The following ARL15 variants were observed in gnomAD, a reference collection of about 807,000 sequenced individuals.
The protein encoded by ARL15 is ADP-ribosylation factor-like protein 15.
Under a neutral mutation model 25.2 loss-of-function variants are expected in ARL15, and 19 were observed. The observed-to-expected ratio is 0.75, with a 90% CI of 0.53 to 1.10. ARL15 has a LOEUF of 1.10. Among genes scored for constraint, ARL15 ranks in the 50% least tolerant of loss-of-function variants. ARL15 has a pLI of 0.00. For missense variants in ARL15, 220 were observed against 246.0 expected, an observed-to-expected ratio of 0.89 and a Z score of 0.71; for synonymous variants, 94 against 86.8, an observed-to-expected ratio of 1.08 and a Z score of -0.46.
chr5:54,118,516 A>T (rs1267636774), intron 3 of ARL15, among the ~76,000 whole-genome samples: 1 of 152,214 alleles, frequency 6.6e-6, no homozygotes, highest in Non-Finnish European at 1.5e-5. Flanking sequence ...GACATGGCAC[A>T]TATGGATACT....
At chr5:54,273,126 G>A (rs1020629129) in intron 1 of ARL15, among the ~76,000 whole-genome samples, 1 of 152,056 alleles carries the variant, frequency 6.6e-6, no homozygotes, top group Admixed American at 6.6e-5. Flanking sequence ...AACTTACATA[G>A]TCCCATATCT....
At position 54,052,157 on chromosome 5, in the gene ARL15, G is replaced by A. The variant is rs569989511; in HGVS notation, c.462+61045C>T. On this transcript the variant is annotated intron_variant, in intron 4 of 4. Transcript: ENST00000504924. Reference sequence around the variant, plus strand: ...AGAGACAAATATGTAAAACATAGGGGATTTTTTTTATGGAGGTGAAACTAT... The same window carrying A: ...AGAGACAAATATGTAAAACATAGGGAATTTTTTTTATGGAGGTGAAACTAT... Among the ~76,000 whole-genome samples, 21 of 152,190 alleles carry A rather than the reference G, an allele frequency of 1.4e-4. No homozygotes were observed. The South Asian group carries it at 4.1e-3, about 30-fold the overall frequency.
intron 1 of ARL15, among the ~76,000 whole-genome samples, chr5:54,217,936 G>GT (rs1373871801): frequency 2.2e-4 from 33 of 147,590 alleles, no homozygotes; most frequent in African/African-American, 8.0e-4. Context: ...TTTAAAAGGG[G>GT]GAAAAAAAAT....
At chr5:53,936,562 A>G (rs1427342403) in intron 4 of ARL15, among the ~76,000 whole-genome samples, 2 of 152,234 alleles carry the variant, frequency 1.3e-5, no homozygotes, top group African/African-American at 4.8e-5. Context: ...AAACTTTTGC[A>G]TCATTATCTG....
chr5:53,907,944 G>A (rs991191709), intron 4 of ARL15, among the ~76,000 whole-genome samples: 4 of 152,054 alleles, frequency 2.6e-5, no homozygotes, highest in African/African-American at 9.7e-5. Context: ...GCCACATAAA[G>A]CAGTCCTATT....
intron 1 of ARL15, among the ~76,000 whole-genome samples, chr5:54,221,872 A>T (rs1461116048): frequency 7.0e-6 from 1 of 142,078 alleles, no homozygotes; most frequent in Non-Finnish European, 1.6e-5. Flanking sequence ...CACACACACA[A>T]AACCCTCATG....
intron 4 of ARL15, among the ~76,000 whole-genome samples, chr5:53,889,810 GTTT>G (rs35947755): frequency 7.4e-6 from 1 of 135,880 alleles, no homozygotes. Flanking sequence ...AGTTCTGACT[GTTT>G]TTTTTTTTTT....
At chr5:53,970,134 T>G (rs1009550440) in intron 4 of ARL15, among the ~76,000 whole-genome samples, 2 of 152,080 alleles carry the variant, frequency 1.3e-5, no homozygotes, top group Non-Finnish European at 2.9e-5. Flanking sequence ...CAAATGTGGC[T>G]GCAAAAAAAT....
chr5:54,171,752 A>T (rs1181211805), intron 2 of ARL15, 32 bp downstream of exon 2: 1 of 1,579,436 alleles, frequency 6.3e-7, no homozygotes. Context: ...GATGAGAAAG[A>T]AGAAGGGACA....
In ARL15 at chr5:54,204,879, T is replaced by C. The variant is rs370353651; in HGVS notation, c.49-32951A>G. ...GTGCACTGTTTTTCATGGAAGTACC[T>C]GGAGGAATGTATAGTCATTTACGAA... On this transcript the variant is annotated intron_variant, in intron 1 of 4. Coordinates refer to ENST00000504924, the MANE Select transcript of ARL15 (RefSeq NM_019087.3). Among the ~76,000 whole-genome samples the C allele has an allele frequency of 5.3e-5, 8 of 151,660 alleles. No individual in the cohort carries two copies. The East Asian group carries it at 1.2e-3, about 22-fold the overall frequency.
At chr5:53,910,237 T>C (rs563240587) in intron 4 of ARL15, among the ~76,000 whole-genome samples, 13 of 152,268 alleles carry the variant, frequency 8.5e-5, no homozygotes, top group African/African-American at 3.1e-4. Context: ...TTATCAGATC[T>C]CCTGGGAGAA....
intron 1 of ARL15, among the ~76,000 whole-genome samples, chr5:54,203,454 A>G (rs1288654758): frequency 1.3e-5 from 2 of 152,186 alleles, no homozygotes; most frequent in Non-Finnish European, 2.9e-5. Flanking sequence ...TGGATAATCA[A>G]CTATTTTATA....
chr5:54,151,330 TACTTCTGC>T (rs942786804), intron 3 of ARL15, among the ~76,000 whole-genome samples: 2 of 152,210 alleles, frequency 1.3e-5, no homozygotes, highest in African/African-American at 4.8e-5. Flanking sequence ...ATTTACCTTG[TACTTCTGC>T]ACTTAATTTT....
At chr5:53,973,499 G>A (rs998901007) in intron 4 of ARL15, among the ~76,000 whole-genome samples, 55 of 151,772 alleles carry the variant, frequency 3.6e-4, no homozygotes, top group Admixed American at 5.2e-4. Context: ...ACTTGAACCC[G>A]GGAGGCAGAG....
intron 1 of ARL15, among the ~76,000 whole-genome samples, chr5:54,200,149 TG>T (rs1250777436): frequency 2.3e-5 from 1 of 44,258 alleles, no homozygotes; most frequent in Non-Finnish European, 4.4e-5. Flanking sequence ...TGTTGTGGGG[TG>T]GGGGGAGGGG....
At chr5:53,942,962 G>C (rs1197926012) in intron 4 of ARL15, among the ~76,000 whole-genome samples, 1 of 152,128 alleles carries the variant, frequency 6.6e-6, no homozygotes, top group Non-Finnish European at 1.5e-5. Flanking sequence ...AGTCATGAGA[G>C]AACTGATTGG....
intron 4 of ARL15, among the ~76,000 whole-genome samples, chr5:54,076,028 AAAT>A (rs1434588935): frequency 6.6e-6 from 1 of 152,172 alleles, no homozygotes; most frequent in East Asian, 1.9e-4. Flanking sequence ...GTGCATGTGT[AAAT>A]AATACATACA....
At chr5:53,923,623 T>A (rs1307023335) in intron 4 of ARL15, among the ~76,000 whole-genome samples, 1 of 152,228 alleles carries the variant, frequency 6.6e-6, no homozygotes, top group Non-Finnish European at 1.5e-5. Flanking sequence ...TTCTGGTATA[T>A]TCTTGAGCAT....
rs561352443 is a variant in ARL15 at position 53,884,421 on chromosome 5, G to C, written c.*2140C>G. The stretch of plus-strand genomic sequence containing the variant: ...TTCAGGCCCCACCCCGCCCCCACGT[G>C]GATTTCCAAAACATGGCAAATTCTA... On this transcript the variant is annotated 3_prime_UTR_variant, in exon 5 of 5. Transcript: ENST00000504924. 1.1e-4 allele frequency: 7 copies of C among 65,638 alleles called. No homozygotes were observed. Among genetic ancestry groups the C allele is most frequent in the Non-Finnish European group, 1.8e-4 (6 of 34,250 alleles). 4.1% of individuals were successfully genotyped at this position (65,638 alleles called of 1,614,324 possible).
Sources: allele counts gnomAD v4.1 joint callset (sites outside exome capture counted in the v4.1 genomes callset), GRCh38; gene constraint gnomAD v4.1.1; transcripts MANE v1.5; gene names NCBI Gene and HGNC (gene_info 2026-07-23, HGNC 2026-07-21).